NPAS2: variants seen among roughly 807,000 people sequenced by gnomAD.
NPAS2 encodes the protein neuronal PAS domain protein 2.
In NPAS2, 23 loss-of-function variants were observed where a neutral mutation model predicts 107.5. The ratio of observed to expected loss-of-function variants is 0.21; its 90% CI spans 0.15 to 0.30. The LOEUF is 0.30. NPAS2 is among the 10% of genes least tolerant of loss of function. The pLI is 1.00. For synonymous variants in NPAS2, 403 were observed against 417.5 expected, an observed-to-expected ratio of 0.97 and a Z score of 0.42; for missense variants, 756 against 1,043.3, an observed-to-expected ratio of 0.72 and a Z score of 3.79.
intron 1 of NPAS2, among the ~76,000 whole-genome samples, chr2:100,841,370 G>A (rs1035817426): frequency 1.3e-5 from 2 of 152,198 alleles, no homozygotes; most frequent in African/African-American, 4.8e-5. Context: ...GAACCCGGGG[G>A]GTGGAGGTTG....
chr2:100,920,802 G>T (rs1438174151), intron 2 of NPAS2, among the ~76,000 whole-genome samples: 2 of 152,224 alleles, frequency 1.3e-5, no homozygotes, highest in Non-Finnish European at 2.9e-5. Context: ...CAAGCGAAGG[G>T]GCAGGGAAGC....
At chr2:100,931,343 C>G (rs529567751) in intron 3 of NPAS2, among the ~76,000 whole-genome samples, 2 of 152,206 alleles carry the variant, frequency 1.3e-5, no homozygotes, top group Non-Finnish European at 2.9e-5. Flanking sequence ...GACAAAAATC[C>G]AATTTTGTAT....
intron 13 of NPAS2, 49 bp from the exon 14 acceptor site, chr2:100,975,409 A>G: frequency 1.3e-6 from 2 of 1,524,456 alleles, no homozygotes; most frequent in Non-Finnish European, 9.0e-7. Flanking sequence ...TCGGATGAGT[A>G]CATGCTAAGT....
chr2:100,984,517 A>G (rs1271762050), intron 16 of NPAS2: 1 of 152,250 alleles, frequency 6.6e-6, no homozygotes, highest in Non-Finnish European at 1.5e-5. Flanking sequence ...ATTTGTAGAA[A>G]TAAGCAGATA....
chr2:100,949,240 A>T, intron 6 of NPAS2, 127 bp from the exon 7 acceptor site: 1 of 671,972 alleles, frequency 1.5e-6, no homozygotes, highest in Non-Finnish European at 2.7e-6. Flanking sequence ...AGTCAGTCGT[A>T]GTGAGAGAAC....
At chr2:100,914,011 G>A (rs1305563365) in intron 2 of NPAS2, among the ~76,000 whole-genome samples, 1 of 152,186 alleles carries the variant, frequency 6.6e-6, no homozygotes, top group African/African-American at 2.4e-5. Flanking sequence ...GTCCAGTCTT[G>A]CACACTAAGT....
intron 1 of NPAS2, among the ~76,000 whole-genome samples, chr2:100,860,545 G>T (rs1678875003): frequency 6.6e-6 from 1 of 152,146 alleles, no homozygotes; most frequent in African/African-American, 2.4e-5. Flanking sequence ...ACATTACTAT[G>T]GTGGTTGCCA....
At chr2:100,824,969 G>A (rs1191923596) in intron 1 of NPAS2, among the ~76,000 whole-genome samples, 1 of 152,194 alleles carries the variant, frequency 6.6e-6, no homozygotes, top group African/African-American at 2.4e-5. Context: ...GGAAAGGAAG[G>A]CATCGTCAGG....
At chr2:100,962,135 G>A (rs1355449713) in intron 7 of NPAS2, among the ~76,000 whole-genome samples, 1 of 152,134 alleles carries the variant, frequency 6.6e-6, no homozygotes, top group Admixed American at 6.6e-5. Flanking sequence ...AAGCCAACTT[G>A]TGACAGATGT....
In NPAS2 at chr2:100,975,436, G is replaced by A; in HGVS notation, c.1283-22G>A. 2.5e-6 allele frequency: 4 copies of A among 1,601,734 alleles called. No homozygotes were observed. The East Asian group carries it at 6.7e-5, about 27-fold the overall frequency. Reference sequence around the variant, plus strand: ...ATGCTAAGTACATGGAAGTTAGAAGGTCATTCGTTGCTTTCTTACAGCCAC... The same window carrying A: ...ATGCTAAGTACATGGAAGTTAGAAGATCATTCGTTGCTTTCTTACAGCCAC... On this transcript the variant is annotated intron_variant, in intron 13 of 20. Coordinates refer to ENST00000335681, the MANE Select transcript of NPAS2 (RefSeq NM_002518.4).
At chr2:100,852,976 A>C (rs961112821) in intron 1 of NPAS2, among the ~76,000 whole-genome samples, 1 of 152,234 alleles carries the variant, frequency 6.6e-6, no homozygotes, top group Admixed American at 6.5e-5. Flanking sequence ...TTAAGTATTA[A>C]ATTAGCAAGC....
chr2:100,920,678 C>T (rs756642757), intron 2 of NPAS2, among the ~76,000 whole-genome samples: 2 of 152,216 alleles, frequency 1.3e-5, no homozygotes, highest in Non-Finnish European at 2.9e-5. Flanking sequence ...AGAGGCTTCA[C>T]CTCCCATTGC....
chr2:100,821,054 T>C (rs772003723), intron 1 of NPAS2: 9 of 1,303,878 alleles, frequency 6.9e-6, no homozygotes, highest in Non-Finnish European at 9.1e-6. Context: ...TGTTGGGAGA[T>C]GTGCCCCTTT....
At chr2:100,903,332 C>T (rs543469637) in intron 1 of NPAS2, among the ~76,000 whole-genome samples, 11 of 152,310 alleles carry the variant, frequency 7.2e-5, no homozygotes, top group Admixed American at 2.0e-4. Flanking sequence ...GATGTGTTAA[C>T]GCTGACTCAA....
intron 7 of NPAS2, 93 bp from the exon 8 acceptor site, chr2:100,963,965 C>A: frequency 1.4e-6 from 1 of 737,868 alleles, no homozygotes; most frequent in Non-Finnish European, 2.4e-6. Flanking sequence ...ACCCTGGGGG[C>A]AGCGCTTGGC....
chr2:100,973,993 C>T (rs1254889456), intron 12 of NPAS2, among the ~76,000 whole-genome samples: 2 of 152,196 alleles, frequency 1.3e-5, no homozygotes, highest in African/African-American at 4.8e-5. Context: ...AGGCGCCTGC[C>T]ACCACGTCCA....
rs1441892096 is a variant in NPAS2 at position 100,939,387 on chromosome 2, C to T, written c.363+1545C>T. 2.0e-5 allele frequency among the ~76,000 whole-genome samples: 3 copies of T among 152,136 alleles called. No homozygotes were observed. The East Asian group carries it at 5.8e-4, about 29-fold the overall frequency. ...GTGGTGGGGAGCTGGGGGGCTCTCT[C>T]CTCTTGATAGCCATCAGAAGTGGCT... is the stretch of plus-strand genomic sequence containing the variant. On this transcript the variant is annotated intron_variant, in intron 5 of 20. Coordinates refer to ENST00000335681, the MANE Select transcript of NPAS2 (RefSeq NM_002518.4).
chr2:100,886,156 T>C (rs1680686955), intron 1 of NPAS2, among the ~76,000 whole-genome samples: 1 of 152,182 alleles, frequency 6.6e-6, no homozygotes, highest in Non-Finnish European at 1.5e-5. Flanking sequence ...GCTTGGAGTT[T>C]TGCATTGCAG....
chr2:100,829,304 C>CA (rs1157436661), intron 1 of NPAS2, among the ~76,000 whole-genome samples: 1 of 151,876 alleles, frequency 6.6e-6, no homozygotes, highest in African/African-American at 2.4e-5. Context: ...AGGCACGCAC[C>CA]ACCATGCCTG....
Sources: gnomAD v4.1 joint callset for allele counts (sites outside exome capture counted in the v4.1 genomes callset) on GRCh38, gnomAD v4.1.1 for gene constraint, MANE v1.5 for transcripts, NCBI Gene and HGNC (gene_info 2026-07-23, HGNC 2026-07-21) for gene names.